Variants in CAPN9 observed in about 807,000 individuals in gnomAD.
CAPN9 encodes the protein calpain-9.
A neutral mutation model predicts 92.8 loss-of-function variants in CAPN9; 81 were observed. That is an observed-to-expected ratio of 0.87 (90% confidence interval 0.73 to 1.05). The LOEUF (loss-of-function observed/expected upper bound fraction) is 1.05. Ranked by LOEUF, CAPN9 falls within the 50% of genes least tolerant of loss-of-function variation. The probability of loss-of-function intolerance (pLI) is 0.00; values close to 1 mark genes in which losing one functional copy is unlikely to be tolerated. For synonymous variants in CAPN9, 304 were observed against 328.0 expected, an observed-to-expected ratio of 0.93 and a Z score of 0.79; for missense variants, 848 against 866.2, an observed-to-expected ratio of 0.98 and a Z score of 0.26.
intron 1 of CAPN9, among the ~76,000 whole-genome samples, chr1:230,751,621 AAGAAAGAAAGAAAGAAAGAAAGAAAG>A (rs1351573722): frequency 3.6e-5 from 2 of 56,306 alleles, no homozygotes; most frequent in Non-Finnish European, 6.7e-5. Flanking sequence ...GAAAGAAAGA[AAGAAAGAAAGAAAGAAAGAAAGAAAG>A]AAAGAAAGAA....
chr1:230,799,351 T>C (rs1480363438), intron 19 of CAPN9, among the ~76,000 whole-genome samples: 1 of 152,212 alleles, frequency 6.6e-6, no homozygotes, highest in Non-Finnish European at 1.5e-5. Context: ...TAGGCCTTAA[T>C]ATTACACCCA....
In CAPN9 at chr1:230,759,583, C is replaced by G; in HGVS notation, c.355C>G (p.Gln119Glu). 4 of 1,610,228 alleles carry G rather than the reference C, an allele frequency of 2.5e-6. No individual in the cohort carries two copies. The South Asian group carries it at 4.4e-5, about 18-fold the overall frequency. The change falls in exon 3 of 20, where the codon CAG becomes GAG. Residue 119 changes from glutamine (Q) to glutamate (E), a missense_variant. Physicochemically the swap from Gln to Glu is conservative, Grantham distance 29. Transcript: ENST00000271971. ...AAAAGCACTGGCCAGAGTCATCCCC[C>G]AGGACCAAAGCTTTGGCCCTGGTTA... The part of the protein sequence containing the change: ...NQKALARVIP[Q>E]DQSFGPGYAG...
intron 1 of CAPN9, 71 bp downstream of exon 1, chr1:230,747,780 C>A (rs1229854778): frequency 2.8e-6 from 4 of 1,406,054 alleles, no homozygotes; most frequent in African/African-American, 1.4e-5. Context: ...GAAGTGGAAA[C>A]AGGGGTGCTG....
chr1:230,789,709 G>A (rs1262085170), intron 13 of CAPN9, among the ~76,000 whole-genome samples: 7 of 152,116 alleles, frequency 4.6e-5, no homozygotes, highest in Non-Finnish European at 8.8e-5. Flanking sequence ...CCAGATGCGG[G>A]ACTATTTTAA....
At chr1:230,785,540 C>T (rs932936741) in intron 11 of CAPN9, among the ~76,000 whole-genome samples, 2 of 152,014 alleles carry the variant, frequency 1.3e-5, no homozygotes, top group Non-Finnish European at 2.9e-5. Flanking sequence ...TTTGGCAACT[C>T]CCCCATACCA....
intron 6 of CAPN9, among the ~76,000 whole-genome samples, chr1:230,771,178 A>AT (rs1357185318): frequency 6.6e-6 from 1 of 152,236 alleles, no homozygotes. Context: ...AGCCCCTTTA[A>AT]TGGTGAGCCA....
rs1421550391 is a variant in CAPN9 at position 230,785,899 on chromosome 1, C to A, written c.1482-82C>A. On this transcript the variant is annotated intron_variant, in intron 11 of 19. Coordinates refer to ENST00000271971, the MANE Select transcript of CAPN9 (RefSeq NM_006615.3). Reference sequence around the variant, plus strand: ...GGGATTCAAAGGGACAGAACCTTCCCAGGCTCTGGGCTCTTCAGCTCTGCA... The same window carrying A: ...GGGATTCAAAGGGACAGAACCTTCCAAGGCTCTGGGCTCTTCAGCTCTGCA... 7.4e-6 allele frequency: 10 copies of A among 1,353,650 alleles called. No individual in the cohort carries two copies. The East Asian group carries it at 2.1e-4, about 28-fold the overall frequency. 83.9% of individuals were successfully genotyped at this position (1,353,650 alleles called of 1,614,324 possible).
Position 230,792,413 on chromosome 1 carries a change from C to G in CAPN9, c.1723-13C>G. Reference sequence around the variant, plus strand: ...AAACACTGCTCATGTCTCCCTTAACCCACATGGCACAGACCAGCGGCAATG... The same window carrying G: ...AAACACTGCTCATGTCTCCCTTAACGCACATGGCACAGACCAGCGGCAATG... On this transcript the variant is annotated splice_polypyrimidine_tract_variant and intron_variant, in intron 15 of 19. Transcript: ENST00000271971. 1 of 1,612,674 alleles carries G rather than the reference C, an allele frequency of 6.2e-7. No homozygotes were observed. Among genetic ancestry groups the G allele is most frequent in the South Asian group, 1.1e-5 (1 of 91,024 alleles).
chr1:230,798,697 G>A (rs1216720248), intron 19 of CAPN9, among the ~76,000 whole-genome samples: 2 of 152,208 alleles, frequency 1.3e-5, no homozygotes, highest in Non-Finnish European at 2.9e-5. Context: ...GAGACCATGG[G>A]TCTGAGTGTC....
chr1:230,749,596 C>CT (rs1664636589), intron 1 of CAPN9, among the ~76,000 whole-genome samples: 2 of 152,210 alleles, frequency 1.3e-5, no homozygotes, highest in Non-Finnish European at 2.9e-5. Flanking sequence ...AGCAGAGCCC[C>CT]TGGCCAGAAG....
chr1:230,776,562 C>T (rs917072640), intron 8 of CAPN9: 1 of 152,194 alleles, frequency 6.6e-6, no homozygotes, highest in Admixed American at 6.5e-5. Context: ...CAAGGTAACA[C>T]TAGCTGCAGT....
At chr1:230,761,783 TG>T (rs1264098245) in intron 3 of CAPN9, among the ~76,000 whole-genome samples, 2 of 151,842 alleles carry the variant, frequency 1.3e-5, no homozygotes, top group Non-Finnish European at 2.9e-5. Flanking sequence ...GGGTAGGAGG[TG>T]GGTCACTGCA....
intron 8 of CAPN9, among the ~76,000 whole-genome samples, chr1:230,778,083 C>T (rs181839810): frequency 8.5e-4 from 129 of 152,238 alleles, no homozygotes; most frequent in Non-Finnish European, 1.5e-3. Context: ...CTCACATTCA[C>T]GTGCCCAAAC....
chr1:230,764,905 A>T (rs1454493450), intron 4 of CAPN9, among the ~76,000 whole-genome samples: 1 of 152,170 alleles, frequency 6.6e-6, no homozygotes, highest in Admixed American at 6.5e-5. Context: ...GGATCTGTAC[A>T]TGGGTTATCA....
chr1:230,774,497 G>T, intron 7 of CAPN9, 57 bp from the exon 8 acceptor site: 1 of 1,126,802 alleles, frequency 8.9e-7, no homozygotes, highest in Non-Finnish European at 1.4e-6. Context: ...CCACATCAAG[G>T]CCATTGTTGC....
chr1:230,774,739 CTTTTTTT>C (rs747512464), intron 8 of CAPN9, 108 bp downstream of exon 8: 51 of 386,324 alleles, frequency 1.3e-4, no homozygotes, highest in Middle Eastern at 7.2e-4. Context: ...TTCTTTCTTT[CTTTTTTT>C]TTTTTTTTTT....
intron 11 of CAPN9, among the ~76,000 whole-genome samples, chr1:230,785,426 G>A (rs539306060): frequency 1.3e-5 from 2 of 152,318 alleles, no homozygotes; most frequent in South Asian, 2.1e-4. Context: ...AGTGTTAGGG[G>A]TGGGGCTTGA....
chr1:230,752,759 T>G, intron 1 of CAPN9: 1 of 932,632 alleles, frequency 1.1e-6, no homozygotes, highest in Non-Finnish European at 1.3e-6. Context: ...TTGCCAGGGC[T>G]ATCCCCTGGC....
intron 8 of CAPN9, among the ~76,000 whole-genome samples, chr1:230,774,899 G>A (rs762514498): frequency 1.1e-4 from 16 of 151,740 alleles, no homozygotes; most frequent in Non-Finnish European, 1.8e-4. Flanking sequence ...GCGCCACCAC[G>A]CCCGACTCAT....
Sources: allele counts gnomAD v4.1 joint callset (sites outside exome capture counted in the v4.1 genomes callset), GRCh38; gene constraint gnomAD v4.1.1; transcripts MANE v1.5; gene names NCBI Gene and HGNC (gene_info 2026-07-23, HGNC 2026-07-21).